CDK14: variants seen among roughly 807,000 people sequenced by gnomAD.
CDK14 encodes cyclin-dependent kinase 14.
Under a neutral mutation model 60.7 loss-of-function variants are expected in CDK14, and 34 were observed. The observed-to-expected ratio is 0.56, with a 90% CI of 0.43 to 0.75. The LOEUF (loss-of-function observed/expected upper bound fraction) is 0.75, where lower values mean the gene tolerates loss of function less well. Among genes scored for constraint, CDK14 ranks in the 30% least tolerant of loss-of-function variants. CDK14 has a pLI of 0.00. For missense variants in CDK14, 482 were observed against 564.1 expected, an observed-to-expected ratio of 0.85 and a Z score of 1.47; for synonymous variants, 197 against 203.7, an observed-to-expected ratio of 0.97 and a Z score of 0.28.
chr7:90,863,230 C>T lies in CDK14; in HGVS notation c.600C>T (p.Ile200=). 2.5e-6 allele frequency: 4 copies of T among 1,609,310 alleles called. No homozygotes were observed. The highest frequency in any genetic ancestry group is 3.4e-6 in the Non-Finnish European group (4 of 1,176,444). ...HANIVLLHDI[I]HTKETLTLVF... ...ACATAGTGCTACTTCATGACATCATCCATACCAAGGAGACGCTGACACTTG... is the reference window on the plus strand; with the variant it reads ...ACATAGTGCTACTTCATGACATCATTCATACCAAGGAGACGCTGACACTTG... The change falls in exon 6 of 15, where the codon ATC becomes ATT. Residue 200 remains isoleucine, a synonymous_variant. Coordinates refer to ENST00000380050, the MANE Select transcript of CDK14 (RefSeq NM_001287135.2).
In CDK14 at chr7:90,788,884, T is replaced by C. The variant is rs1437341610; in HGVS notation, c.465-1689T>C. Among the ~76,000 whole-genome samples the C allele has an allele frequency of 3.9e-5, 6 of 152,250 alleles. No homozygotes were observed. In the East Asian group the frequency reaches 9.6e-4, roughly 24 times the overall value. On this transcript the variant is annotated intron_variant, in intron 4 of 14. Transcript: ENST00000380050. ...CAACAAGAGACCATTTTTGACCTAT[T>C]AAATTGGCAAAATCAGACACTGAGA...
intron 2 of CDK14, among the ~76,000 whole-genome samples, chr7:90,627,510 G>A (rs1040446152): frequency 1.3e-5 from 2 of 152,186 alleles, no homozygotes; most frequent in Admixed American, 1.3e-4. Flanking sequence ...ACTGTGCCCA[G>A]CTAGCACAGA....
chr7:90,687,443 C>T (rs1801459942), intron 2 of CDK14, among the ~76,000 whole-genome samples: 3 of 151,480 alleles, frequency 2.0e-5, no homozygotes, highest in East Asian at 1.9e-4. Context: ...TAGAAGGCTA[C>T]GAAGGGTGAG....
chr7:90,944,045 C>T (rs1436297307), intron 8 of CDK14, among the ~76,000 whole-genome samples: 2 of 152,158 alleles, frequency 1.3e-5, no homozygotes, highest in African/African-American at 4.8e-5. Context: ...TTGTTATAAA[C>T]TGAGGTTGCC....
intron 14 of CDK14, among the ~76,000 whole-genome samples, chr7:91,159,377 C>T (rs1387123201): frequency 1.3e-5 from 2 of 152,206 alleles, no homozygotes; most frequent in East Asian, 3.8e-4. Context: ...TCTAAGATAA[C>T]ACTTAATCAT....
chr7:91,160,581 C>G (rs1801138829), intron 14 of CDK14, among the ~76,000 whole-genome samples: 1 of 152,086 alleles, frequency 6.6e-6, no homozygotes. Flanking sequence ...TTATTGAAAC[C>G]TATAGCCAAA....
At chr7:91,011,914 C>T (rs1288703846) in intron 10 of CDK14, among the ~76,000 whole-genome samples, 2 of 152,038 alleles carry the variant, frequency 1.3e-5, no homozygotes, top group African/African-American at 4.8e-5. Context: ...TTCTGGGTCA[C>T]TTTGATTGAT....
intron 8 of CDK14, among the ~76,000 whole-genome samples, chr7:90,939,569 G>A (rs1040326915): frequency 6.6e-6 from 1 of 152,116 alleles, no homozygotes; most frequent in African/African-American, 2.4e-5. Flanking sequence ...CAGTCTTCTT[G>A]GATGTAGAAA....
At chr7:90,936,042 A>T (rs998682598) in intron 8 of CDK14, among the ~76,000 whole-genome samples, 1 of 105,118 alleles carries the variant, frequency 9.5e-6, no homozygotes, top group African/African-American at 2.9e-5. Flanking sequence ...ACCCTGTCTT[A>T]AAAAAAAAAA....
intron 10 of CDK14, among the ~76,000 whole-genome samples, chr7:90,997,922 T>A (rs1210408684): frequency 6.6e-6 from 1 of 152,174 alleles, no homozygotes; most frequent in Non-Finnish European, 1.5e-5. Context: ...TATTGAATGT[T>A]CTTTCTACTG....
At chr7:90,955,846 A>G in intron 9 of CDK14, 29 bp downstream of exon 9, 1 of 1,610,408 alleles carries the variant, frequency 6.2e-7, no homozygotes, top group Non-Finnish European at 8.5e-7. Context: ...ACTCTAGCTA[A>G]TCTATCTGTA....
intron 2 of CDK14, among the ~76,000 whole-genome samples, chr7:90,704,358 G>A (rs1297574451): frequency 6.6e-6 from 1 of 152,112 alleles, no homozygotes; most frequent in African/African-American, 2.4e-5. Context: ...ATCAGCACAG[G>A]ATTTATCTTT....
intron 5 of CDK14, among the ~76,000 whole-genome samples, chr7:90,826,790 C>T (rs1481870911): frequency 6.6e-6 from 1 of 152,034 alleles, no homozygotes; most frequent in Admixed American, 6.5e-5. Context: ...CTTCTTTTCC[C>T]TGGCACACAG....
chr7:91,162,140 A>T (rs1801185763), intron 14 of CDK14, among the ~76,000 whole-genome samples: 2 of 152,232 alleles, frequency 1.3e-5, no homozygotes, highest in African/African-American at 2.4e-5. Context: ...TGGGATTAGC[A>T]TGGACAGACT....
chr7:90,832,625 A>C (rs1789949259), intron 5 of CDK14, among the ~76,000 whole-genome samples: 1 of 152,206 alleles, frequency 6.6e-6, no homozygotes, highest in South Asian at 2.1e-4. Context: ...GTCAATCAGC[A>C]TGGAAAAAAT....
At chr7:90,649,276 CTTTCTTTCTT>C (rs1223076288) in intron 2 of CDK14, among the ~76,000 whole-genome samples, 2 of 52,702 alleles carry the variant, frequency 3.8e-5, no homozygotes. Flanking sequence ...TTCTTTCTTT[CTTTCTTTCTT>C]TCTTTCTTTC....
At chr7:90,965,014 A>C (rs1350997788) in intron 9 of CDK14, among the ~76,000 whole-genome samples, 1 of 152,204 alleles carries the variant, frequency 6.6e-6, no homozygotes, top group African/African-American at 2.4e-5. Flanking sequence ...TCTCAAACAC[A>C]ACAGCAAATC....
At chr7:90,945,531 G>C (rs1009100240) in intron 8 of CDK14, among the ~76,000 whole-genome samples, 2 of 152,234 alleles carry the variant, frequency 1.3e-5, no homozygotes, top group African/African-American at 2.4e-5. Flanking sequence ...CTGAGCAAGA[G>C]CTGTAGCCTT....
intron 4 of CDK14, among the ~76,000 whole-genome samples, chr7:90,750,635 G>A (rs1222490972): frequency 2.0e-5 from 3 of 152,186 alleles, no homozygotes; most frequent in Non-Finnish European, 2.9e-5. Context: ...CACTTTGGGA[G>A]GCCAAGGCGA....
Sources: gnomAD v4.1 joint callset for allele counts (sites outside exome capture counted in the v4.1 genomes callset) on GRCh38, gnomAD v4.1.1 for gene constraint, MANE v1.5 for transcripts, NCBI Gene and HGNC (gene_info 2026-07-23, HGNC 2026-07-21) for gene names.